SUPV3L1: variants seen among roughly 807,000 people sequenced by gnomAD.
The protein encoded by SUPV3L1 is ATP-dependent RNA helicase SUPV3L1, mitochondrial.
A neutral mutation model predicts 70.0 loss-of-function variants in SUPV3L1; 35 were observed. The ratio of observed to expected loss-of-function variants is 0.50; its 90% CI spans 0.38 to 0.66. SUPV3L1 has a LOEUF of 0.66. Among genes scored for constraint, SUPV3L1 ranks in the 30% least tolerant of loss-of-function variants. The pLI is 0.00. For missense variants in SUPV3L1, 777 were observed against 961.5 expected (o/e 0.81, Z 2.54); for synonymous variants, 364 against 341.9 (o/e 1.06, Z -0.71).
chr10:69,198,773 T>C (rs995918894), intron 9 of SUPV3L1, among the ~76,000 whole-genome samples: 1 of 152,234 alleles, frequency 6.6e-6, no homozygotes, highest in African/African-American at 2.4e-5. Flanking sequence ...TATTAGACTG[T>C]ATCTTAAATG....
intron 5 of SUPV3L1, among the ~76,000 whole-genome samples, chr10:69,190,759 A>G (rs1246296312): frequency 6.6e-6 from 1 of 152,176 alleles, no homozygotes; most frequent in African/African-American, 2.4e-5. Context: ...ATTTTGGAAG[A>G]CTATAGGTCA....
At chr10:69,200,773 C>G (rs10823315) in intron 11 of SUPV3L1, among the ~76,000 whole-genome samples, 109 of 152,136 alleles carry the variant, frequency 7.2e-4, no homozygotes, top group African/African-American at 2.5e-3. Context: ...AATCTAGCAG[C>G]GGGAAGGAAC....
intron 13 of SUPV3L1, among the ~76,000 whole-genome samples, chr10:69,206,073 C>T (rs1395145347): frequency 6.6e-6 from 1 of 152,036 alleles, no homozygotes; most frequent in Non-Finnish European, 1.5e-5. Flanking sequence ...CTCTGCATAG[C>T]TCCTTACTTA....
In SUPV3L1 at chr10:69,190,835, A is replaced by G. The variant is rs138589486; in HGVS notation, c.742-820A>G. ...GTTTCCCCATGATTAGATTCAGGCT[A>G]TTATGATGACCAGCCATCCCAGTTT... On this transcript the variant is annotated intron_variant, in intron 5 of 14. Coordinates refer to ENST00000359655, the MANE Select transcript of SUPV3L1 (RefSeq NM_003171.5). 7.2e-3 allele frequency among the ~76,000 whole-genome samples: 1,092 copies of G among 152,294 alleles called. 11 individuals carry two copies. The highest frequency in any genetic ancestry group is 0.024 in the African/African-American group (1,015 of 41,554).
chr10:69,197,549 C>A (rs2132292068), intron 8 of SUPV3L1, among the ~76,000 whole-genome samples: 1 of 152,062 alleles, frequency 6.6e-6, no homozygotes. Context: ...TACCAGAGTT[C>A]TATAGTAAAA....
chr10:69,207,872 C>A lies in SUPV3L1; in HGVS notation c.1856C>A (p.Pro619His). 1 of 1,614,140 alleles carries A rather than the reference C, an allele frequency of 6.2e-7. No homozygotes were observed. The stretch of plus-strand genomic sequence containing the variant: ...TACATCAAATGGCCTTTACTTCCAC[C>A]TAAGAATATTAAAGACCTCATGGAT... ...RRYIKWPLLP[P>H]KNIKDLMDLE... Residue 619 changes from proline (P) to histidine (H), a missense_variant, in exon 14 of 15, where the codon CCT becomes CAT. Pro to His is a moderately conservative substitution (Grantham distance 77, BLOSUM62 -2). Coordinates refer to ENST00000359655, the MANE Select transcript of SUPV3L1 (RefSeq NM_003171.5).
At chr10:69,187,519 G>A in intron 3 of SUPV3L1, 123 bp from the exon 4 acceptor site, 3 of 614,962 alleles carry the variant, frequency 4.9e-6, no homozygotes, top group Non-Finnish European at 5.6e-6. Context: ...TGCCCAGAGA[G>A]GACTTTTCTT....
chr10:69,185,984 T>C lies in SUPV3L1; in HGVS notation c.272-3T>C. ...ACGTTAAATTTTGACATCTCTCTTCTAGATGAAGTAAAGAAGGTCTTAGAC... is the reference window on the plus strand; with the variant it reads ...ACGTTAAATTTTGACATCTCTCTTCCAGATGAAGTAAAGAAGGTCTTAGAC... On this transcript the variant is annotated splice_region_variant and splice_polypyrimidine_tract_variant and intron_variant, in intron 1 of 14. Coordinates refer to ENST00000359655, the MANE Select transcript of SUPV3L1 (RefSeq NM_003171.5). 1 of 1,607,184 alleles carries C rather than the reference T, an allele frequency of 6.2e-7. No individual in the cohort carries two copies. The highest frequency in any genetic ancestry group is 8.5e-7 in the Non-Finnish European group (1 of 1,175,212).
chr10:69,185,804 C>T (rs1403697712), intron 1 of SUPV3L1, among the ~76,000 whole-genome samples, 183 bp from the exon 2 acceptor site: 2 of 151,976 alleles, frequency 1.3e-5, no homozygotes, highest in African/African-American at 2.4e-5. Flanking sequence ...CCGGCCAACT[C>T]GATCATTTTT....
chr10:69,181,357 G>A (rs3781569), intron 1 of SUPV3L1, among the ~76,000 whole-genome samples: 79,954 of 152,026 alleles, frequency 0.53, 23,501 homozygotes, highest in Middle Eastern at 0.76. Flanking sequence ...AATAGGAGGA[G>A]AAATGTCTCA....
chr10:69,200,638 A>G, intron 11 of SUPV3L1, 139 bp downstream of exon 11: 3 of 673,860 alleles, frequency 4.5e-6, no homozygotes, highest in Non-Finnish European at 7.2e-6. Context: ...TGAAAACTGC[A>G]TTAAAAAAAG....
At chr10:69,189,902 T>G (rs1842346233) in intron 5 of SUPV3L1, among the ~76,000 whole-genome samples, 2 of 152,194 alleles carry the variant, frequency 1.3e-5, no homozygotes, top group Non-Finnish European at 2.9e-5. Flanking sequence ...CGTCTCGGCC[T>G]CCCAAAGTGC....
chr10:69,208,944 CACA>C lies in SUPV3L1; in HGVS notation c.2275_2277del (p.Gln759del). Reference sequence around the variant, plus strand: ...AAACAGCTAGAAAAAGAGTGGATGACACAACAAACTGAACACAACAAAGAAAAA... The same window carrying C: ...AAACAGCTAGAAAAAGAGTGGATGACACAAACTGAACACAACAAAGAAAAA... On this transcript the variant is annotated inframe_deletion, in exon 15 of 15. Transcript: ENST00000359655. 1 of 1,613,900 alleles carries C rather than the reference CACA, an allele frequency of 6.2e-7. No homozygotes were observed. Among genetic ancestry groups the C allele is most frequent in the Non-Finnish European group, 8.5e-7 (1 of 1,179,994 alleles).
chr10:69,182,620 G>A (rs1266568657), intron 1 of SUPV3L1: 2 of 985,280 alleles, frequency 2.0e-6, no homozygotes, highest in East Asian at 2.3e-4. Flanking sequence ...TTCTGGTGGA[G>A]AATCCTTAGA....
intron 13 of SUPV3L1, among the ~76,000 whole-genome samples, chr10:69,203,376 T>A (rs1842735292): frequency 6.6e-6 from 1 of 152,058 alleles, no homozygotes. Context: ...CATAAATCTC[T>A]ACCAAGGCCG....
chr10:69,200,384 C>T lies in SUPV3L1; in HGVS notation c.1403C>T (p.Ala468Val). ...PITTSQALQI[A>V]GRAGRFSSRF... is the part of the protein sequence containing the mutation. ...ACAACCTCTCAAGCCCTGCAGATTGCTGGCAGAGCTGGCAGATTCAGCTCA... is the reference window on the plus strand; with the variant it reads ...ACAACCTCTCAAGCCCTGCAGATTGTTGGCAGAGCTGGCAGATTCAGCTCA... The change falls in exon 11 of 15, where the codon GCT becomes GTT. Residue 468 changes from alanine (A) to valine (V), a missense_variant. Physicochemically the swap from Ala to Val is moderately conservative, Grantham distance 64. Around this residue, in one of 2 missense-constraint regions of SUPV3L1, gnomAD observed 619 missense variants for 823.3 expected, o/e 0.75. Coordinates refer to ENST00000359655, the MANE Select transcript of SUPV3L1 (RefSeq NM_003171.5). 6.2e-7 allele frequency: 1 copy of T among 1,614,058 alleles called. No homozygotes were observed.
chr10:69,196,258 G>A (rs1255489194), intron 7 of SUPV3L1, among the ~76,000 whole-genome samples: 1 of 152,060 alleles, frequency 6.6e-6, no homozygotes, highest in Non-Finnish European at 1.5e-5. Context: ...TTGGGAGGCC[G>A]AGGCTGGCCG....
rs552474954 is a variant in SUPV3L1, at chr10:69,194,445, G to A, written c.854-743G>A. 2.6e-5 allele frequency among the ~76,000 whole-genome samples: 4 copies of A among 151,760 alleles called. 1 individual carries two copies. The South Asian group carries it at 6.2e-4, about 24-fold the overall frequency. ...TGGCTCACTGCAGGCTCCGCCTCCC[G>A]GGATCAAATGATTCTCCTGCCTCAG... is the stretch of plus-strand genomic sequence containing the variant. On this transcript the variant is annotated intron_variant, in intron 6 of 14. Coordinates refer to ENST00000359655, the MANE Select transcript of SUPV3L1 (RefSeq NM_003171.5).
At chr10:69,191,809 A>AT (rs370229180) in intron 6 of SUPV3L1, 43 bp downstream of exon 6, 170,234 of 1,103,090 alleles carry the variant, frequency 0.15, 1 homozygote, top group South Asian at 0.19. Context: ...GGTATTTTTA[A>AT]TTTTTTTTTT....
Sources: allele counts gnomAD v4.1 joint callset (sites outside exome capture counted in the v4.1 genomes callset), GRCh38; gene constraint gnomAD v4.1.1; regional missense constraint gnomAD v4.1.1; transcripts MANE v1.5; gene names NCBI Gene and HGNC (gene_info 2026-07-23, HGNC 2026-07-21).